EFNA3: variants seen among roughly 807,000 people sequenced by gnomAD.
EFNA3 encodes ephrin A3, also known as ephrin-A3.
In EFNA3, 15 loss-of-function variants were observed where a neutral mutation model predicts 25.0. The observed-to-expected ratio is 0.60, with a 90% confidence interval of 0.40 to 0.92. The LOEUF (loss-of-function observed/expected upper bound fraction) is 0.92, where lower values mean the gene tolerates loss of function less well. Among genes scored for constraint, EFNA3 ranks in the 40% least tolerant of loss-of-function variants. The pLI, the probability that EFNA3 is intolerant of heterozygous loss-of-function variation, is 0.00. For missense variants in EFNA3, 298 were observed against 323.8 expected, an observed-to-expected ratio of 0.92 and a Z score of 0.61; for synonymous variants, 153 against 145.6, an observed-to-expected ratio of 1.05 and a Z score of -0.37.
rs138967579 is a variant in EFNA3 at position 155,085,367 on chromosome 1, C to A, written c.405C>A (p.Gly135=). 1.9e-5 allele frequency: 30 copies of A among 1,611,110 alleles called. No individual in the cohort carries two copies. In the African/African-American group the frequency reaches 2.5e-4, roughly 14 times the overall value. ...AGCGCTACAGCGCCTTCTCTCTGGG[C>A]TACGAGTTCCACGCCGGCCACGAGT... ...KFQRYSAFSL[G]YEFHAGHEYY... is the part of the protein sequence containing the mutation. Residue 135 remains glycine, a synonymous_variant, in exon 2 of 5, where the codon GGC becomes GGA. Transcript: ENST00000368408. The surrounding 1 kb of genome is among the most constrained non-coding windows in gnomAD (Gnocchi z 4.4).
At position 155,086,780 on chromosome 1, in the gene EFNA3, G is replaced by A. The variant is rs1663474202; in HGVS notation, c.*237G>A. 1 of 515,622 alleles carries A rather than the reference G, an allele frequency of 1.9e-6. No homozygotes were observed. The highest frequency in any genetic ancestry group is 3.4e-6 in the Non-Finnish European group (1 of 293,570). 31.9% of individuals were successfully genotyped at this position (515,622 alleles called of 1,614,324 possible). On this transcript the variant is annotated 3_prime_UTR_variant, in exon 5 of 5. Transcript: ENST00000368408. ...CGGGCGGCCTTGTGGCTCTGGTAAT[G>A]TTTGGTACCAAACTTGGGGGCCAAA...
chr1:155,082,445 C>T (rs551833837), intron 1 of EFNA3, among the ~76,000 whole-genome samples: 6 of 152,314 alleles, frequency 3.9e-5, no homozygotes, highest in South Asian at 2.1e-4. Flanking sequence ...TTGCTCCTTC[C>T]CCGCTCCGCC....
rs367560890 is a variant in EFNA3 at position 155,086,216 on chromosome 1, G to A, written c.586+11G>A. On this transcript the variant is annotated intron_variant, in intron 4 of 4. Coordinates refer to ENST00000368408, the MANE Select transcript of EFNA3 (RefSeq NM_004952.5). ...AGATCAACGTGCTGGGTGAGTCTGC[G>A]CAGCGCCCTCTGGTGGCCACTGCTG... The A allele has an allele frequency of 6.2e-7, 1 of 1,613,568 alleles. No homozygotes were observed. Among genetic ancestry groups the A allele is most frequent in the Middle Eastern group, 1.7e-4 (1 of 6,052 alleles).
In EFNA3 at chr1:155,082,547, C is replaced by T. The variant is rs184540299; in HGVS notation, c.129-2544C>T. ...GCGAGAGAGAGGTGTCGGGATGCGC[C>T]TCAGAGGCTGTGAGAGCCAGGAGAG... On this transcript the variant is annotated intron_variant, in intron 1 of 4. Transcript: ENST00000368408. Among the ~76,000 whole-genome samples, 152 of 152,328 alleles carry T rather than the reference C, an allele frequency of 1.0e-3. 1 individual carries two copies. The highest frequency in any genetic ancestry group is 3.4e-3 in the African/African-American group (141 of 41,582).
Position 155,085,431 on chromosome 1 carries a change from G to A in EFNA3, c.442+27G>A. On this transcript the variant is annotated intron_variant, in intron 2 of 4. Coordinates refer to ENST00000368408, the MANE Select transcript of EFNA3 (RefSeq NM_004952.5). The surrounding 1 kb of genome is among the most constrained non-coding windows in gnomAD (Gnocchi z 4.4). Reference sequence around the variant, plus strand: ...TGAGTGACGGCGGCCGGGCGGGCGGGTCTGAACGCGAGAGTCTGAGTGACA... The same window carrying A: ...TGAGTGACGGCGGCCGGGCGGGCGGATCTGAACGCGAGAGTCTGAGTGACA... 1 of 1,528,996 alleles carries A rather than the reference G, an allele frequency of 6.5e-7. No homozygotes were observed. The highest frequency in any genetic ancestry group is 8.8e-7 in the Non-Finnish European group (1 of 1,131,760). The allele number at this position is 1,528,996 out of a possible 1,614,324, so 94.7% of individuals were successfully genotyped here.
rs11449003 is a variant in EFNA3 at position 155,086,559 on chromosome 1, T to TG, written c.*24dup. 131,056 of 1,603,170 alleles carry TG rather than the reference T, an allele frequency of 0.082. 9,873 individuals are homozygous for TG. The highest frequency in any genetic ancestry group is 0.44 in the African/African-American group (32,051 of 73,610). On this transcript the variant is annotated 3_prime_UTR_variant, in exon 5 of 5. Coordinates refer to ENST00000368408, the MANE Select transcript of EFNA3 (RefSeq NM_004952.5). Reference sequence around the variant, plus strand: ...GGCCTCCTAGCTCTGCCCCCTCCCCTGGGGGGGGAGAGATGGGGCGGGGCT... The same window carrying TG: ...GGCCTCCTAGCTCTGCCCCCTCCCCTGGGGGGGGGAGAGATGGGGCGGGGCT...
chr1:155,082,906 G>C (rs1018119356), intron 1 of EFNA3, among the ~76,000 whole-genome samples: 1 of 152,214 alleles, frequency 6.6e-6, no homozygotes, highest in Admixed American at 6.5e-5. Context: ...TTGTGGCTGG[G>C]AATTCCTGGC....
At chr1:155,084,824 T>C (rs950708056) in intron 1 of EFNA3, among the ~76,000 whole-genome samples, 2 of 152,186 alleles carry the variant, frequency 1.3e-5, no homozygotes, top group African/African-American at 4.8e-5. Context: ...CTCCTTTTCT[T>C]TGGAGGCAGG....
chr1:155,082,310 G>A (rs1380921450), intron 1 of EFNA3, among the ~76,000 whole-genome samples: 1 of 152,258 alleles, frequency 6.6e-6, no homozygotes, highest in Admixed American at 6.5e-5. Context: ...TCTAAGACCG[G>A]GGCTGGGGGT....
Position 155,079,136 on chromosome 1 carries a change from AAGTCCTGGGGGATCCCGGGGTGGG to A in EFNA3, c.128+77_128+100del, listed in dbSNP as rs1240590305. 1.5e-5 allele frequency: 19 copies of A among 1,282,568 alleles called. No individual in the cohort carries two copies. Among genetic ancestry groups the A allele is most frequent in the Non-Finnish European group, 1.9e-5 (19 of 1,007,016 alleles). The allele number at this position is 1,282,568 out of a possible 1,614,324, so 79.4% of individuals were successfully genotyped here. The stretch of plus-strand genomic sequence containing the variant: ...GAGAGGGGGAGCCGGTGGGCCCGAG[AAGTCCTGGGGGATCCCGGGGTGGG>A]AGTCCTGGGAGACCAGAGCTGGGGG... On this transcript the variant is annotated intron_variant, in intron 1 of 4. Transcript: ENST00000368408. The surrounding 1 kb of genome is among the most constrained non-coding windows in gnomAD (Gnocchi z 7.7).
Position 155,079,147 on chromosome 1 carries a change from G to A in EFNA3, c.128+78G>A, listed in dbSNP as rs541840852. 9 of 1,263,266 alleles carry A rather than the reference G, an allele frequency of 7.1e-6. No homozygotes were observed. In the South Asian group the frequency reaches 2.3e-4, roughly 32 times the overall value. 78.3% of individuals were successfully genotyped at this position (1,263,266 alleles called of 1,614,324 possible). On this transcript the variant is annotated intron_variant, in intron 1 of 4. Transcript: ENST00000368408. The surrounding 1 kb of genome is among the most constrained non-coding windows in gnomAD (Gnocchi z 7.7). ...CCGGTGGGCCCGAGAAGTCCTGGGG[G>A]ATCCCGGGGTGGGAGTCCTGGGAGA...
Position 155,085,935 on chromosome 1 carries a change from C to T in EFNA3, c.501C>T (p.Cys167=), listed in dbSNP as rs368589246. The T allele has an allele frequency of 1.3e-5, 21 of 1,610,962 alleles. No individual in the cohort carries two copies. Among genetic ancestry groups the T allele is most frequent in the Non-Finnish European group, 1.7e-5 (20 of 1,178,700 alleles). Reference sequence around the variant, plus strand: ...TGAGGATGAAGGTGTTCGTCTGCTGCGCCTCCAGTGAGTAGAATAGGCTCC... The same window carrying T: ...TGAGGATGAAGGTGTTCGTCTGCTGTGCCTCCAGTGAGTAGAATAGGCTCC... ...KCLRMKVFVC[C]ASTSHSGEKP... The change falls in exon 3 of 5, where the codon TGC becomes TGT. Residue 167 remains cysteine, a synonymous_variant. Transcript: ENST00000368408. This position sits in a 1 kb window ranked among gnomAD's most constrained non-coding sequence, Gnocchi z 4.4.
chr1:155,082,755 G>A (rs756284710), intron 1 of EFNA3, among the ~76,000 whole-genome samples: 1 of 151,424 alleles, frequency 6.6e-6, no homozygotes, highest in Non-Finnish European at 1.5e-5. Flanking sequence ...CAGGAGGCGC[G>A]GCCCTAGAGG....
intron 1 of EFNA3, among the ~76,000 whole-genome samples, chr1:155,083,283 G>A (rs1026283940): frequency 6.6e-6 from 1 of 152,212 alleles, no homozygotes; most frequent in Non-Finnish European, 1.5e-5. Flanking sequence ...GTGTGGCTGT[G>A]CAGCTGCTCC....
chr1:155,086,045 C>G (rs1663449441), intron 3 of EFNA3, 83 bp from the exon 4 acceptor site: 1 of 1,571,708 alleles, frequency 6.4e-7, no homozygotes, highest in African/African-American at 1.4e-5. Context: ...GTGAGGGGGG[C>G]TTGCTCCCCA....
At position 155,078,933 on chromosome 1, in the gene EFNA3, G is replaced by C; in HGVS notation, c.-9G>C. ...CAGTCGGGGGGCGGCGGCGGCGGCG[G>C]CTCCGGGGATGGCGGCGGCTCCGCT... On this transcript the variant is annotated 5_prime_UTR_variant, in exon 1 of 5. Coordinates refer to ENST00000368408, the MANE Select transcript of EFNA3 (RefSeq NM_004952.5). 7.2e-7 allele frequency: 1 copy of C among 1,393,682 alleles called. No individual in the cohort carries two copies. 86.3% of individuals were successfully genotyped at this position (1,393,682 alleles called of 1,614,324 possible). A position where few individuals can be genotyped will look rare whatever the true frequency, so the allele number is the denominator to read the frequency against.
At chr1:155,082,237 C>G (rs1553268446) in intron 1 of EFNA3, among the ~76,000 whole-genome samples, 1 of 152,216 alleles carries the variant, frequency 6.6e-6, no homozygotes, top group East Asian at 1.9e-4. Flanking sequence ...GGGGCGCGCG[C>G]TAGAGGGAAG....
At position 155,086,109 on chromosome 1, in the gene EFNA3, C is replaced by G; in HGVS notation, c.509-19C>G. On this transcript the variant is annotated intron_variant, in intron 3 of 4. Coordinates refer to ENST00000368408, the MANE Select transcript of EFNA3 (RefSeq NM_004952.5). ...CTGACTCTCCCCTCCTCTCTCCCCACCCGCACCCCACCCCGCAGCATCGCA... is the reference window on the plus strand; with the variant it reads ...CTGACTCTCCCCTCCTCTCTCCCCAGCCGCACCCCACCCCGCAGCATCGCA... 1.9e-6 allele frequency: 3 copies of G among 1,586,148 alleles called. No individual in the cohort carries two copies. The highest frequency in any genetic ancestry group is 1.3e-5 in the African/African-American group (1 of 74,392).
Position 155,085,848 on chromosome 1 carries a change from A to G in EFNA3, c.443-29A>G. 6.2e-7 allele frequency: 1 copy of G among 1,611,390 alleles called. No individual in the cohort carries two copies. Among genetic ancestry groups the G allele is most frequent in the South Asian group, 1.1e-5 (1 of 90,472 alleles). Reference sequence around the variant, plus strand: ...GAGGGCACAGGCACACATTGGGCGAAAGTGACTCAGGCCCGGTCTCCTCCC... The same window carrying G: ...GAGGGCACAGGCACACATTGGGCGAGAGTGACTCAGGCCCGGTCTCCTCCC... On this transcript the variant is annotated intron_variant, in intron 2 of 4. Coordinates refer to ENST00000368408, the MANE Select transcript of EFNA3 (RefSeq NM_004952.5). This position sits in a 1 kb window ranked among gnomAD's most constrained non-coding sequence, Gnocchi z 4.4.
Sources: allele counts gnomAD v4.1 joint callset (sites outside exome capture counted in the v4.1 genomes callset), GRCh38; gene constraint gnomAD v4.1.1; non-coding constraint Gnocchi (gnomAD v3.1); transcripts MANE v1.5; gene names NCBI Gene and HGNC (gene_info 2026-07-23, HGNC 2026-07-21).